KCNN2: variants seen among roughly 807,000 people sequenced by gnomAD.
KCNN2 encodes potassium calcium-activated channel subfamily N member 2, also known as small conductance calcium-activated potassium channel protein 2.
A neutral mutation model predicts 55.5 loss-of-function variants in KCNN2; 24 were observed. The observed-to-expected ratio is 0.43, with a 90% CI of 0.31 to 0.61. The LOEUF (loss-of-function observed/expected upper bound fraction) is 0.61, where lower values mean the gene tolerates loss of function less well. Among genes scored for constraint, KCNN2 ranks in the 20% least tolerant of loss-of-function variants. KCNN2 has a pLI of 0.08. For missense variants in KCNN2, 754 were observed against 853.6 expected (o/e 0.88, Z 1.45); for synonymous variants, 431 against 336.1 (o/e 1.28, Z -3.09).
At chr5:114,279,979 A>G (rs1350706570) in intron 2 of KCNN2, among the ~76,000 whole-genome samples, 1 of 152,120 alleles carries the variant, frequency 6.6e-6, no homozygotes, top group Non-Finnish European at 1.5e-5. Context: ...CTGACTTTTT[A>G]ATGATCACCA....
chr5:114,312,302 T>C (rs1039747266), intron 2 of KCNN2, among the ~76,000 whole-genome samples: 1 of 150,580 alleles, frequency 6.6e-6, no homozygotes, highest in Non-Finnish European at 1.5e-5. Context: ...AATAAATTAC[T>C]TCTTAAAATA....
intron 3 of KCNN2, among the ~76,000 whole-genome samples, chr5:114,462,524 C>CAGGGGAAGCACTG (rs1232312519): frequency 6.6e-6 from 1 of 152,070 alleles, no homozygotes; most frequent in East Asian, 1.9e-4. Context: ...TCAGGGAGCA[C>CAGGGGAAGCACTG]AGGGGAAGCA....
chr5:114,398,749 A>G (rs1400986722), intron 2 of KCNN2, among the ~76,000 whole-genome samples: 1 of 151,692 alleles, frequency 6.6e-6, no homozygotes, highest in Non-Finnish European at 1.5e-5. Flanking sequence ...CCTCACAGAG[A>G]TCTTTCATCT....
At chr5:114,276,975 C>T (rs543545820) in intron 2 of KCNN2, among the ~76,000 whole-genome samples, 21 of 152,026 alleles carry the variant, frequency 1.4e-4, no homozygotes, top group South Asian at 8.3e-4. Flanking sequence ...CAGTGGCTAC[C>T]GGTTGTTCCT....
intron 1 of KCNN2, among the ~76,000 whole-genome samples, chr5:114,130,311 C>T (rs1367615598): frequency 5.3e-5 from 8 of 152,030 alleles, no homozygotes; most frequent in Non-Finnish European, 1.2e-4. Flanking sequence ...GGTATATTTT[C>T]CTTAGCTTGC....
At chr5:114,326,754 T>G (rs567581685) in intron 2 of KCNN2, among the ~76,000 whole-genome samples, 10 of 152,308 alleles carry the variant, frequency 6.6e-5, no homozygotes, top group African/African-American at 2.4e-4. Flanking sequence ...ATTTTAGATT[T>G]TTTTCCATCT....
intron 2 of KCNN2, among the ~76,000 whole-genome samples, chr5:114,289,780 A>C (rs908912036): frequency 4.6e-5 from 7 of 152,196 alleles, no homozygotes; most frequent in Non-Finnish European, 1.0e-4. Context: ...TAACAGAATT[A>C]ATAGTAAATC....
At chr5:114,232,128 G>A (rs1344892871) in intron 2 of KCNN2, among the ~76,000 whole-genome samples, 11 of 151,026 alleles carry the variant, frequency 7.3e-5, no homozygotes. Context: ...CTGAGAATCT[G>A]TGACTTGGCT....
intron 3 of KCNN2, among the ~76,000 whole-genome samples, chr5:114,448,079 G>A (rs895972709): frequency 9.2e-5 from 14 of 152,200 alleles, no homozygotes; most frequent in South Asian, 4.1e-4. Flanking sequence ...TGGGGTTTTC[G>A]TGATTTATGT....
In KCNN2 at chr5:114,183,173, A is replaced by G. The variant is rs143165389; in HGVS notation, c.-270-38307A>G. On this transcript the variant is annotated intron_variant, in intron 1 of 10. Coordinates refer to the KCNN2 transcript ENST00000512097. ...TTATAATCTTAATAGAGTGAATCAC[A>G]TTGATTTATTTTTAAGTGTTACATC... Among the ~76,000 whole-genome samples, 434 of 152,192 alleles carry G rather than the reference A, an allele frequency of 2.9e-3. 1 individual carries two copies. Among genetic ancestry groups the G allele is most frequent in the African/African-American group, 0.01 (417 of 41,562 alleles).
chr5:114,304,103 C>A (rs1269899209), intron 2 of KCNN2, among the ~76,000 whole-genome samples: 1 of 152,184 alleles, frequency 6.6e-6, no homozygotes, highest in African/African-American at 2.4e-5. Flanking sequence ...GCTCTGCCCA[C>A]TGGAAGAATT....
Position 114,362,209 on chromosome 5 carries a change from C to CCCCCGAG in KCNN2, c.70_71insCCCCGAG (p.His24ProfsTer64). The CCCCCGAG allele has an allele frequency of 5.8e-6, 1 of 172,952 alleles. No individual in the cohort carries two copies. The allele number at this position is 172,952 out of a possible 1,614,324, so 10.7% of individuals were successfully genotyped here. On this transcript the variant is annotated frameshift_variant, in exon 1 of 8. Transcript: ENST00000673685. LOFTEE classifies it high-confidence loss of function. ...GCCGCCGCCGCCGCCGCGCTCCTCA[C>CCCCCGAG]ACCTGCATTGCCAGCAGCAGCAACA... is the stretch of plus-strand genomic sequence containing the variant.
intron 2 of KCNN2, among the ~76,000 whole-genome samples, chr5:114,287,184 C>A (rs979555738): frequency 1.3e-5 from 2 of 152,182 alleles, no homozygotes; most frequent in Non-Finnish European, 2.9e-5. Context: ...TTGTGGAAGA[C>A]AGTGTGGTAA....
At chr5:114,495,835 G>A in intron 7 of KCNN2, 60 bp from the exon 8 acceptor site, 1 of 1,506,648 alleles carries the variant, frequency 6.6e-7, no homozygotes, top group Non-Finnish European at 9.1e-7. Flanking sequence ...ACCTCTGAGA[G>A]GTGGACAGTT....
rs548235827 is a variant in KCNN2, at chr5:114,065,208, G to A, written c.-271+8708G>A. On this transcript the variant is annotated intron_variant, in intron 1 of 10. Transcript: ENST00000512097. The stretch of plus-strand genomic sequence containing the variant: ...CTATCCCTTGGAGTAGTTCATAGGA[G>A]AGAAGACAAAAGAGGAACTTAGCTT... 2.8e-4 allele frequency among the ~76,000 whole-genome samples: 43 copies of A among 152,284 alleles called. 1 individual carries two copies. The Middle Eastern group carries it at 0.01, about 36-fold the overall frequency.
intron 1 of KCNN2, among the ~76,000 whole-genome samples, chr5:114,187,908 G>T (rs1472839507): frequency 6.6e-6 from 1 of 151,276 alleles, no homozygotes; most frequent in Non-Finnish European, 1.5e-5. Flanking sequence ...TCCGCCTCCT[G>T]GGTTCAAGCA....
At chr5:114,099,326 C>T (rs77060163) in intron 1 of KCNN2, among the ~76,000 whole-genome samples, 9,050 of 152,152 alleles carry the variant, frequency 0.059, 311 homozygotes, top group African/African-American at 0.086. Flanking sequence ...ATTGCTAGAA[C>T]TGAAAAGCGT....
At chr5:114,302,156 C>T (rs1409342944) in intron 2 of KCNN2, among the ~76,000 whole-genome samples, 1 of 152,176 alleles carries the variant, frequency 6.6e-6, no homozygotes, top group Non-Finnish European at 1.5e-5. Context: ...TTGCTGATCT[C>T]ACCTACCTTA....
intron 3 of KCNN2, among the ~76,000 whole-genome samples, chr5:114,432,916 C>T (rs539753257): frequency 1.6e-4 from 25 of 152,340 alleles, no homozygotes; most frequent in African/African-American, 3.1e-4. Flanking sequence ...GCTGCCTTCC[C>T]GCGGGGCATG....
Sources: gnomAD v4.1 joint callset for allele counts (sites outside exome capture counted in the v4.1 genomes callset) on GRCh38, gnomAD v4.1.1 for gene constraint, MANE v1.5 for transcripts, NCBI Gene and HGNC (gene_info 2026-07-23, HGNC 2026-07-21) for gene names.